Variants in FRMD5 observed in about 807,000 individuals in gnomAD.
FRMD5 encodes FERM domain-containing protein 5.
In FRMD5, 20 loss-of-function variants were observed where a neutral mutation model predicts 69.0. The ratio of observed to expected loss-of-function variants is 0.29; its 90% CI spans 0.20 to 0.42. FRMD5 has a LOEUF of 0.42. Among genes scored for constraint, FRMD5 ranks in the 10% least tolerant of loss-of-function variants. The pLI, the probability that FRMD5 is intolerant of heterozygous loss-of-function variation, is 1.00. For synonymous variants in FRMD5, 271 were observed against 260.1 expected (o/e 1.04, Z -0.40); for missense variants, 595 against 708.6 (o/e 0.84, Z 1.82).
In FRMD5 at chr15:44,156,103, GGTCA is replaced by G. The variant is rs564475493; in HGVS notation, c.102+38846_102+38849del. Among the ~76,000 whole-genome samples the G allele has an allele frequency of 1.3e-4, 20 of 152,204 alleles. 1 individual carries two copies. In the South Asian group the frequency reaches 1.9e-3, roughly 14 times the overall value. ...CTAATATTTAGTCTCAGTGAACTGA[GGTCA>G]GTCAACTACTTGCCCAATAGTGAAA... On this transcript the variant is annotated intron_variant, in intron 1 of 13. Coordinates refer to ENST00000417257, the MANE Select transcript of FRMD5 (RefSeq NM_032892.5).
At chr15:44,183,179 G>A (rs1297188296) in intron 1 of FRMD5, among the ~76,000 whole-genome samples, 3 of 152,066 alleles carry the variant, frequency 2.0e-5, no homozygotes, top group Admixed American at 1.3e-4. Context: ...GTCTACCCTG[G>A]AACAAGAAGG....
At chr15:43,951,494 C>T (rs1175302651) in intron 1 of FRMD5, among the ~76,000 whole-genome samples, 1 of 150,988 alleles carries the variant, frequency 6.6e-6, no homozygotes, top group African/African-American at 2.4e-5. Flanking sequence ...TGCTATAGAA[C>T]ACTAGAACTA....
chr15:44,150,058 A>T (rs2140468804), intron 1 of FRMD5, among the ~76,000 whole-genome samples: 2 of 152,336 alleles, frequency 1.3e-5, no homozygotes, highest in Middle Eastern at 6.8e-3. Flanking sequence ...GAGGAAGGAA[A>T]AAAATAATCA....
intron 1 of FRMD5, among the ~76,000 whole-genome samples, chr15:44,048,388 T>G (rs1892518863): frequency 6.6e-6 from 1 of 152,218 alleles, no homozygotes; most frequent in African/African-American, 2.4e-5. Context: ...TTCAAATCCT[T>G]TGCCCTTTTG....
At chr15:44,027,259 G>C (rs971551000) in intron 1 of FRMD5, among the ~76,000 whole-genome samples, 1 of 151,948 alleles carries the variant, frequency 6.6e-6, no homozygotes, top group African/African-American at 2.4e-5. Context: ...TGTATGCATA[G>C]CATTTATTTC....
intron 4 of FRMD5, among the ~76,000 whole-genome samples, chr15:43,912,265 C>T (rs1187572748): frequency 6.6e-6 from 1 of 152,178 alleles, no homozygotes; most frequent in Non-Finnish European, 1.5e-5. Flanking sequence ...CTCACTCCCA[C>T]CAACCCTACT....
intron 1 of FRMD5, among the ~76,000 whole-genome samples, chr15:44,081,550 T>C (rs924341172): frequency 5.3e-5 from 8 of 152,080 alleles, no homozygotes; most frequent in Non-Finnish European, 7.4e-5. Flanking sequence ...TGAACTATGG[T>C]CCAGTCGTTT....
chr15:43,970,997 C>T (rs562753198), intron 1 of FRMD5, among the ~76,000 whole-genome samples: 1 of 152,164 alleles, frequency 6.6e-6, no homozygotes, highest in East Asian at 1.9e-4. Flanking sequence ...CACCTGTAAT[C>T]CCAATGCTTT....
intron 1 of FRMD5, among the ~76,000 whole-genome samples, chr15:44,112,411 T>C (rs2076809603): frequency 6.6e-6 from 1 of 151,900 alleles, no homozygotes; most frequent in African/African-American, 2.4e-5. Context: ...TTTTAAAAAA[T>C]ACTGAAACAA....
chr15:44,103,065 A>G (rs907847622), intron 1 of FRMD5, among the ~76,000 whole-genome samples: 1 of 152,242 alleles, frequency 6.6e-6, no homozygotes, highest in Non-Finnish European at 1.5e-5. Context: ...ATTCAAAGAA[A>G]GGAGGACACA....
In FRMD5 at chr15:43,877,395, T is replaced by C. The variant is rs1043809714; in HGVS notation, c.1136-2933A>G. On this transcript the variant is annotated intron_variant, in intron 13 of 13. Transcript: ENST00000417257. ...CCAAAGGTCTCTCTTAAAAAGGTGT[T>C]AGTAACCTTTCAGAAGCAGTGTGTC... 2.0e-5 allele frequency among the ~76,000 whole-genome samples: 3 copies of C among 152,212 alleles called. No individual in the cohort carries two copies. The East Asian group carries it at 5.8e-4, about 29-fold the overall frequency.
rs1422067743 is a variant in FRMD5, at chr15:43,878,057, C to T, written c.1136-3595G>A. ...TTACTCCATTGCCTAGACTGGAGTG[C>T]AGTGGTACAATCACGGCTCACTGCA... On this transcript the variant is annotated intron_variant, in intron 13 of 13. Transcript: ENST00000417257. Among the ~76,000 whole-genome samples, 3 of 152,102 alleles carry T rather than the reference C, an allele frequency of 2.0e-5. No individual in the cohort carries two copies. In the South Asian group the frequency reaches 6.2e-4, roughly 32 times the overall value.
intron 1 of FRMD5, among the ~76,000 whole-genome samples, chr15:44,102,994 G>A (rs573106674): frequency 1.3e-5 from 2 of 152,332 alleles, no homozygotes; most frequent in South Asian, 4.1e-4. Flanking sequence ...ATAACCTTGG[G>A]TACTAGGAGA....
chr15:44,112,668 T>G (rs535746922), intron 1 of FRMD5, among the ~76,000 whole-genome samples: 192 of 152,210 alleles, frequency 1.3e-3, no homozygotes, highest in Middle Eastern at 3.4e-3. Flanking sequence ...GGTTTCACCA[T>G]GTTATCCAGG....
intron 10 of FRMD5, among the ~76,000 whole-genome samples, chr15:43,886,522 A>C (rs938040387): frequency 9.8e-5 from 15 of 152,312 alleles, no homozygotes; most frequent in African/African-American, 3.1e-4. Flanking sequence ...CAGCTTGGGC[A>C]CAGCAGCTCA....
At chr15:44,050,883 C>A (rs185010225) in intron 1 of FRMD5, among the ~76,000 whole-genome samples, 22 of 152,008 alleles carry the variant, frequency 1.4e-4, no homozygotes, top group African/African-American at 4.6e-4. Context: ...GTCTCAAACT[C>A]CTGACCTCAA....
chr15:44,133,326 C>T (rs2077131694), intron 1 of FRMD5, among the ~76,000 whole-genome samples: 1 of 151,612 alleles, frequency 6.6e-6, no homozygotes, highest in South Asian at 2.1e-4. Flanking sequence ...TCTGTAATCC[C>T]AGCACTTTGG....
chr15:43,901,877 G>A (rs1595498695), intron 7 of FRMD5: 2 of 355,714 alleles, frequency 5.6e-6, no homozygotes, highest in Non-Finnish European at 1.0e-5. Flanking sequence ...TCTGTGGGGG[G>A]CCTTCCATAT....
rs2088649598 is a variant in FRMD5, at chr15:43,885,818, C to T, written c.885-63G>A. 4.0e-6 allele frequency: 5 copies of T among 1,251,588 alleles called. No homozygotes were observed. In the East Asian group the frequency reaches 6.9e-5, roughly 17 times the overall value. The allele number at this position is 1,251,588 out of a possible 1,614,324, so 77.5% of individuals were successfully genotyped here. A position where few individuals can be genotyped will look rare whatever the true frequency, so the allele number is the denominator to read the frequency against. On this transcript the variant is annotated intron_variant, in intron 10 of 13. Transcript: ENST00000417257. ...AACTGCCTCACACAGGTTAAGGCAGCACATCCCCAGCTTCTTCCAAAGGCT... is the reference window on the plus strand; with the variant it reads ...AACTGCCTCACACAGGTTAAGGCAGTACATCCCCAGCTTCTTCCAAAGGCT...
Sources: allele counts gnomAD v4.1 joint callset (sites outside exome capture counted in the v4.1 genomes callset), GRCh38; gene constraint gnomAD v4.1.1; transcripts MANE v1.5; gene names NCBI Gene and HGNC (gene_info 2026-07-23, HGNC 2026-07-21).